FAM117A: variants seen among roughly 807,000 people sequenced by gnomAD.
The protein encoded by FAM117A is family with sequence similarity 117 member A, also known as protein FAM117A.
FAM117A carries 21 observed loss-of-function variants against 44.1 expected under a neutral mutation model. The observed-to-expected ratio is 0.48, with a 90% CI of 0.34 to 0.69. FAM117A has a LOEUF of 0.69. Among genes scored for constraint, FAM117A ranks in the 30% least tolerant of loss-of-function variants. The pLI is 0.01. For synonymous variants in FAM117A, 220 were observed against 238.3 expected (o/e 0.92, Z 0.71); for missense variants, 498 against 589.9 (o/e 0.84, Z 1.61).
intron 1 of FAM117A, among the ~76,000 whole-genome samples, chr17:49,751,017 C>T (rs1360914486): frequency 1.3e-5 from 2 of 152,024 alleles, no homozygotes; most frequent in Non-Finnish European, 2.9e-5. Context: ...CAATGGCGCA[C>T]GCCTATAATC....
intron 2 of FAM117A, chr17:49,724,608 G>T (rs911587234): frequency 3.0e-5 from 12 of 404,454 alleles, no homozygotes; most frequent in African/African-American, 1.8e-4. Context: ...TGAGGCGGGT[G>T]GATCACTTGA....
chr17:49,777,491 C>T (rs1209064239), intron 1 of FAM117A, among the ~76,000 whole-genome samples: 2 of 152,226 alleles, frequency 1.3e-5, no homozygotes, highest in Admixed American at 1.3e-4. Flanking sequence ...GGACACACAT[C>T]CAAATCCTCA....
At chr17:49,776,397 C>A (rs958423629) in intron 1 of FAM117A, among the ~76,000 whole-genome samples, 3 of 152,144 alleles carry the variant, frequency 2.0e-5, no homozygotes, top group African/African-American at 7.2e-5. Flanking sequence ...CAGACCTAGA[C>A]AAGTGAGAAA....
intron 7 of FAM117A, 53 bp downstream of exon 7, chr17:49,716,112 G>A: frequency 6.3e-7 from 1 of 1,592,872 alleles, no homozygotes; most frequent in South Asian, 1.1e-5. Context: ...AAGAAGGTGG[G>A]AGAATGTAGG....
intron 1 of FAM117A, among the ~76,000 whole-genome samples, chr17:49,739,730 A>T (rs1197502382): frequency 6.6e-6 from 1 of 152,266 alleles, no homozygotes; most frequent in Non-Finnish European, 1.5e-5. Flanking sequence ...ATACGACAAT[A>T]GGCTTCCCTA....
chr17:49,720,481 C>T (rs2073528863), intron 3 of FAM117A, 45 bp from the exon 4 acceptor site: 5 of 1,492,088 alleles, frequency 3.4e-6, no homozygotes, highest in Non-Finnish European at 3.7e-6. Flanking sequence ...TAAGGAAAGC[C>T]AAAGTGCACT....
In FAM117A at chr17:49,716,283, C is replaced by G; in HGVS notation, c.943G>C (p.Asp315His). The G allele has an allele frequency of 1.1e-5, 17 of 1,606,176 alleles. No individual in the cohort carries two copies. The highest frequency in any genetic ancestry group is 1.4e-5 in the Non-Finnish European group (17 of 1,175,828). ...GCAAGGACTGGAGATGGGCTGCCAT[C>G]TTCAAGAAAGGCTGGGTGTCCTGGA... The part of the protein sequence containing the change: ...SSPGHPAFLE[D>H]GSPSPVLAFA... Residue 315 changes from aspartate to histidine, a missense_variant, in exon 7 of 8, where the codon GAT becomes CAT. Around this residue, in one of 3 missense-constraint regions of FAM117A, gnomAD observed 224 missense variants for 296.5 expected, o/e 0.76. Coordinates refer to ENST00000240364, the MANE Select transcript of FAM117A (RefSeq NM_030802.4).
At chr17:49,728,239 T>C (rs540965789) in intron 2 of FAM117A, among the ~76,000 whole-genome samples, 2 of 152,282 alleles carry the variant, frequency 1.3e-5, no homozygotes, top group African/African-American at 4.8e-5. Context: ...AAAAGGTCCA[T>C]GATGGTCAGA....
At chr17:49,733,080 A>C (rs2073593421) in intron 1 of FAM117A, 1 of 215,632 alleles carries the variant, frequency 4.6e-6, no homozygotes, top group Admixed American at 5.0e-5. Flanking sequence ...TAAAGATAAA[A>C]CTCTAAGTGG....
chr17:49,751,279 CAAA>C (rs746063068), intron 1 of FAM117A, among the ~76,000 whole-genome samples: 2 of 42,544 alleles, frequency 4.7e-5, no homozygotes, highest in East Asian at 5.6e-4. Flanking sequence ...AATCTGTCTC[CAAA>C]AAAAAAAAAA....
At chr17:49,753,833 CATTTCCCTGA>C (rs2073686857) in intron 1 of FAM117A, among the ~76,000 whole-genome samples, 1 of 152,154 alleles carries the variant, frequency 6.6e-6, no homozygotes, top group Non-Finnish European at 1.5e-5. Context: ...CTATATTCTC[CATTTCCCTGA>C]AAAATACAGG....
chr17:49,723,678 C>G (rs1205921019), intron 2 of FAM117A, among the ~76,000 whole-genome samples: 1 of 152,016 alleles, frequency 6.6e-6, no homozygotes, highest in African/African-American at 2.4e-5. Context: ...GGAAAAAAAC[C>G]CAACTACTCG....
At chr17:49,750,691 G>A (rs1294373512) in intron 1 of FAM117A, among the ~76,000 whole-genome samples, 3 of 152,120 alleles carry the variant, frequency 2.0e-5, no homozygotes, top group African/African-American at 7.2e-5. Context: ...CAGGAGCATC[G>A]CTTGAACCCA....
At chr17:49,720,247 G>A (rs2073527059) in intron 4 of FAM117A, 79 bp downstream of exon 4, 2 of 1,157,482 alleles carry the variant, frequency 1.7e-6, no homozygotes, top group Admixed American at 1.9e-5. Flanking sequence ...GCAGTTCCAA[G>A]ACCCAGGAAA....
At chr17:49,771,459 T>C (rs2073760772) in intron 1 of FAM117A, among the ~76,000 whole-genome samples, 2 of 144,840 alleles carry the variant, frequency 1.4e-5, no homozygotes, top group Non-Finnish European at 3.0e-5. Flanking sequence ...CTTTGGACTA[T>C]GGAATATCCA....
intron 1 of FAM117A, among the ~76,000 whole-genome samples, chr17:49,786,318 C>T (rs185850974): frequency 4.6e-5 from 7 of 152,268 alleles, no homozygotes; most frequent in South Asian, 2.1e-4. Context: ...ATTTGTGTGA[C>T]GGATGCAAGT....
chr17:49,743,928 TAA>T (rs894538027), intron 1 of FAM117A, among the ~76,000 whole-genome samples: 1 of 142,426 alleles, frequency 7.0e-6, no homozygotes, highest in East Asian at 2.0e-4. Context: ...GACCCTGTCT[TAA>T]AAAAAAAAAG....
At chr17:49,785,264 T>C (rs952337871) in intron 1 of FAM117A, among the ~76,000 whole-genome samples, 2 of 152,168 alleles carry the variant, frequency 1.3e-5, no homozygotes, top group African/African-American at 4.8e-5. Context: ...GTAATCCCAG[T>C]GCTTTGGGAG....
intron 1 of FAM117A, among the ~76,000 whole-genome samples, chr17:49,779,751 C>T (rs1246431960): frequency 6.6e-6 from 1 of 152,144 alleles, no homozygotes; most frequent in Non-Finnish European, 1.5e-5. Flanking sequence ...TATACATATC[C>T]TTGATAGTTT....
Sources: gnomAD v4.1 joint callset for allele counts (sites outside exome capture counted in the v4.1 genomes callset) on GRCh38, gnomAD v4.1.1 for gene constraint, gnomAD v4.1.1 regional missense constraint, MANE v1.5 for transcripts, NCBI Gene and HGNC (gene_info 2026-07-23, HGNC 2026-07-21) for gene names.